The following MAP3K20 variants were observed in gnomAD, a reference collection of about 807,000 sequenced individuals.
MAP3K20 encodes HCCS-4.
Under a neutral mutation model 85.7 loss-of-function variants are expected in MAP3K20, and 40 were observed. The observed-to-expected ratio is 0.47, with a 90% CI of 0.36 to 0.61. The LOEUF is 0.61. MAP3K20 is among the 20% of genes least tolerant of loss of function. The pLI is 0.00. For missense variants in MAP3K20, 817 were observed against 961.7 expected (o/e 0.85, Z 1.99); for synonymous variants, 325 against 327.7 (o/e 0.99, Z 0.09).
chr2:173,178,789 A>G (rs1342394021), intron 3 of MAP3K20, among the ~76,000 whole-genome samples: 1 of 152,228 alleles, frequency 6.6e-6, no homozygotes, highest in Non-Finnish European at 1.5e-5. Flanking sequence ...ATAGATGCCA[A>G]TATTCTATAT....
At chr2:173,094,484 A>G (rs1029107157) in intron 2 of MAP3K20, among the ~76,000 whole-genome samples, 1 of 152,174 alleles carries the variant, frequency 6.6e-6, no homozygotes, top group African/African-American at 2.4e-5. Context: ...CGAGCTTTTG[A>G]TGGCAATTTT....
At chr2:173,260,787 AG>A (rs997593701) in intron 17 of MAP3K20, among the ~76,000 whole-genome samples, 2 of 152,256 alleles carry the variant, frequency 1.3e-5, no homozygotes, top group African/African-American at 4.8e-5. Context: ...ACCTAATGAT[AG>A]GATTGAGTGA....
At chr2:173,226,717 G>A (rs1196392637) in intron 11 of MAP3K20, 1 of 985,636 alleles carries the variant, frequency 1.0e-6, no homozygotes, top group Non-Finnish European at 1.2e-6. Flanking sequence ...TTTATATTGT[G>A]TGCAGAATAG....
intron 11 of MAP3K20, chr2:173,226,259 CAG>C: frequency 2.0e-6 from 2 of 985,330 alleles, no homozygotes; most frequent in South Asian, 4.7e-5. Flanking sequence ...CTTTATTTTT[CAG>C]AGTTTTCATT....
chr2:173,163,155 G>A (rs781696369), intron 2 of MAP3K20, among the ~76,000 whole-genome samples: 1 of 152,184 alleles, frequency 6.6e-6, no homozygotes, highest in Non-Finnish European at 1.5e-5. Context: ...TTAGGGGTAC[G>A]TGTGCAGGTT....
At chr2:173,090,803 G>A (rs1687272641) in intron 1 of MAP3K20, 195 bp from the exon 2 acceptor site, 2 of 1,221,580 alleles carry the variant, frequency 1.6e-6, no homozygotes, top group Non-Finnish European at 2.0e-6. Flanking sequence ...TGGGCAGGTT[G>A]TTGTTGAATT....
intron 2 of MAP3K20, among the ~76,000 whole-genome samples, chr2:173,162,084 A>G (rs191080166): frequency 4.6e-5 from 7 of 151,370 alleles, no homozygotes; most frequent in African/African-American, 1.7e-4. Context: ...AACAAAAAAA[A>G]TTACGATCCC....
At chr2:173,103,608 T>A (rs1319684037) in intron 2 of MAP3K20, among the ~76,000 whole-genome samples, 1 of 152,278 alleles carries the variant, frequency 6.6e-6, no homozygotes, top group East Asian at 1.9e-4. Context: ...TAGAAAAAAA[T>A]TAACATTTCT....
At chr2:173,226,794 T>A (rs1684401051) in intron 11 of MAP3K20, 1 of 983,760 alleles carries the variant, frequency 1.0e-6, no homozygotes. Context: ...ATTTTTGTAC[T>A]AAATAATAGA....
intron 2 of MAP3K20, among the ~76,000 whole-genome samples, chr2:173,147,463 T>C (rs1312342426): frequency 6.6e-6 from 1 of 152,180 alleles, no homozygotes; most frequent in Admixed American, 6.5e-5. Context: ...TCAAGTGGGG[T>C]TGGGAAATGA....
intron 3 of MAP3K20, among the ~76,000 whole-genome samples, chr2:173,172,565 G>A (rs1559263021): frequency 6.6e-6 from 1 of 152,038 alleles, no homozygotes; most frequent in South Asian, 2.1e-4. Context: ...TGATCTCTGG[G>A]TGTGTATGTG....
intron 11 of MAP3K20, among the ~76,000 whole-genome samples, chr2:173,220,042 T>G (rs1338641458): frequency 1.5e-5 from 2 of 135,994 alleles, no homozygotes; most frequent in African/African-American, 2.8e-5. Context: ...CACTCCAGCC[T>G]GGGCAACAGT....
At chr2:173,205,127 TAAATA>T (rs1236673276) in intron 9 of MAP3K20, among the ~76,000 whole-genome samples, 15 of 140,824 alleles carry the variant, frequency 1.1e-4, no homozygotes, top group South Asian at 9.1e-4. Context: ...AAAAAATAAA[TAAATA>T]AAATAAAACA....
chr2:173,077,327 C>T (rs1046459045), intron 1 of MAP3K20, among the ~76,000 whole-genome samples: 1 of 134,068 alleles, frequency 7.5e-6, no homozygotes, highest in African/African-American at 2.8e-5. Flanking sequence ...TTAATGTCCT[C>T]TTTGTAGTAG....
chr2:173,197,536 T>C (rs760964297), intron 7 of MAP3K20, among the ~76,000 whole-genome samples: 105 of 152,244 alleles, frequency 6.9e-4, no homozygotes, highest in Non-Finnish European at 1.8e-4. Context: ...TGCAAGTATC[T>C]ACCATTGTGG....
At chr2:173,208,581 GAC>G (rs1683769077) in intron 9 of MAP3K20, among the ~76,000 whole-genome samples, 2 of 152,240 alleles carry the variant, frequency 1.3e-5, no homozygotes, top group Admixed American at 1.3e-4. Flanking sequence ...TTCAAGGAAA[GAC>G]ACAGGCACAC....
At chr2:173,135,382 A>G (rs943432226) in intron 2 of MAP3K20, among the ~76,000 whole-genome samples, 4 of 152,242 alleles carry the variant, frequency 2.6e-5, no homozygotes, top group African/African-American at 9.6e-5. Flanking sequence ...AAAGATTTCA[A>G]CAGATTAGAG....
intron 9 of MAP3K20, among the ~76,000 whole-genome samples, chr2:173,209,344 C>T (rs1683797026): frequency 6.6e-6 from 1 of 152,176 alleles, no homozygotes; most frequent in African/African-American, 2.4e-5. Flanking sequence ...AACATCCCAC[C>T]ACACACAGTC....
At chr2:173,250,691 CATT>C (rs1272336322) in intron 16 of MAP3K20, among the ~76,000 whole-genome samples, 1 of 152,152 alleles carries the variant, frequency 6.6e-6, no homozygotes, top group Non-Finnish European at 1.5e-5. Context: ...TCCTGTACAT[CATT>C]ATGAGACATT....
Sources: gnomAD v4.1 joint callset for allele counts (sites outside exome capture counted in the v4.1 genomes callset) on GRCh38, gnomAD v4.1.1 for gene constraint, MANE v1.5 for transcripts, NCBI Gene and HGNC (gene_info 2026-07-23, HGNC 2026-07-21) for gene names.